Variants in ZNF676 observed in about 807,000 individuals in gnomAD.
The protein encoded by ZNF676 is zinc finger protein 676.
In ZNF676, 4 loss-of-function variants were observed where a neutral mutation model predicts 6.0. The observed-to-expected ratio is 0.67, with a 90% CI of 0.33 to 1.53. The LOEUF (loss-of-function observed/expected upper bound fraction) is 1.53, where lower values mean the gene tolerates loss of function less well. Among genes scored for constraint, ZNF676 ranks in the 40% most tolerant of loss-of-function variants. The probability of loss-of-function intolerance (pLI) is 0.06; values close to 1 mark genes in which losing one functional copy is unlikely to be tolerated. For synonymous variants in ZNF676, 198 were observed against 223.1 expected (o/e 0.89, Z 1.00); for missense variants, 644 against 679.7 (o/e 0.95, Z 0.58).
upstream of ZNF676, among the ~76,000 whole-genome samples, chr19:22,201,200 T>TC (rs2024022496): frequency 1.3e-5 from 2 of 152,200 alleles, no homozygotes; most frequent in African/African-American, 4.8e-5. Flanking sequence ...ATAGTTGTGG[T>TC]GTGGCTCTGG....
the ZNF676 span, among the ~76,000 whole-genome samples, chr19:22,236,872 T>C: frequency 6.6e-6 from 1 of 152,220 alleles, no homozygotes; most frequent in African/African-American, 2.4e-5. Flanking sequence ...CTGCTGTCCA[T>C]TACAGTAGCT....
rs1421341044 is a variant in ZNF676, at chr19:22,181,154, T to A, written c.563A>T (p.Lys188Met). The change falls in exon 3 of 3, where the codon AAG (lysine) becomes ATG (methionine). Residue 188 changes from lysine (K) to methionine (M), a missense_variant. By Grantham distance (95) the Lys-to-Met change is moderately conservative (BLOSUM62 -1). Transcript: ENST00000397121. ...GGGTTTCTCTCCAGTATGAATACTC[T>A]TATAATAAGTAAGGGTTGAGGACCA... is the stretch of plus-strand genomic sequence containing the variant. ...FNWSSTLTYY[K>M]SIHTGEKPYK... The A allele has an allele frequency of 6.2e-7, 1 of 1,614,006 alleles. No homozygotes were observed. Among genetic ancestry groups the A allele is most frequent in the South Asian group, 1.1e-5 (1 of 91,080 alleles).
chr19:22,246,035 T>A, the ZNF676 span, among the ~76,000 whole-genome samples: 277 of 152,230 alleles, frequency 1.8e-3, 2 homozygotes, highest in African/African-American at 6.3e-3. Context: ...TCACAGTACC[T>A]AATATATGCA....
At chr19:22,223,101 G>A in the ZNF676 span, among the ~76,000 whole-genome samples, 2 of 152,122 alleles carry the variant, frequency 1.3e-5, no homozygotes, top group Non-Finnish European at 2.9e-5. Flanking sequence ...CTCCCAGGCT[G>A]TGGCTGGGAG....
chr19:22,237,298 C>T, the ZNF676 span, among the ~76,000 whole-genome samples: 3 of 152,154 alleles, frequency 2.0e-5, no homozygotes, highest in Non-Finnish European at 4.4e-5. Flanking sequence ...TTTAACTCCC[C>T]AAGCTGCAAC....
At chr19:22,182,938 T>C (rs979000545) in intron 2 of ZNF676, among the ~76,000 whole-genome samples, 2 of 152,106 alleles carry the variant, frequency 1.3e-5, no homozygotes, top group Admixed American at 1.3e-4. Context: ...ACAGGAATTA[T>C]TATAAACATC....
chr19:22,255,641 C>A, the ZNF676 span, among the ~76,000 whole-genome samples: 2 of 151,988 alleles, frequency 1.3e-5, no homozygotes, highest in African/African-American at 2.4e-5. Flanking sequence ...GTCAGGAGAT[C>A]GAGACCATCC....
chr19:22,215,465 C>G (rs1321100684), intron 1 of ZNF676, among the ~76,000 whole-genome samples: 3 of 152,176 alleles, frequency 2.0e-5, no homozygotes, highest in East Asian at 3.9e-4. Context: ...GGACGCCCGG[C>G]GGCCCGCGCA....
At chr19:22,227,588 G>T in the ZNF676 span, among the ~76,000 whole-genome samples, 76 of 152,148 alleles carry the variant, frequency 5.0e-4, no homozygotes, top group African/African-American at 1.8e-3. Flanking sequence ...TTTTTGAAAA[G>T]ATCTACAAAA....
rs764905600 is a variant in ZNF676 at position 22,181,463 on chromosome 19, C to G, written c.254G>C (p.Cys85Ser). 2 of 1,613,528 alleles carry G rather than the reference C, an allele frequency of 1.2e-6. No homozygotes were observed. Among genetic ancestry groups the G allele is most frequent in the Admixed American group, 3.3e-5 (2 of 59,958 alleles). ...CACGTTACACTCATCCACATTGGTACAACTAATTTTTAAGTGTAAATTCTC... is the reference window on the plus strand; with the variant it reads ...CACGTTACACTCATCCACATTGGTAGAACTAATTTTTAAGTGTAAATTCTC... ...GHENLHLKISCTNVDECNVHK... is the reference protein window; with the variant it reads ...GHENLHLKISSTNVDECNVHK... Residue 85 changes from cysteine to serine, a missense_variant, in exon 3 of 3, where the codon TGT (cysteine) becomes TCT (serine). This residue lies in a region of ZNF676 where 280 missense variants were observed against 269.3 expected (regional missense o/e 1.04). Coordinates refer to ENST00000397121, the MANE Select transcript of ZNF676 (RefSeq NM_001001411.3).
At chr19:22,254,030 G>T in the ZNF676 span, among the ~76,000 whole-genome samples, 2 of 152,176 alleles carry the variant, frequency 1.3e-5, no homozygotes, top group Non-Finnish European at 2.9e-5. Context: ...TAATAAACCT[G>T]TGAGCTGGAC....
the ZNF676 span, among the ~76,000 whole-genome samples, chr19:22,231,978 A>T: frequency 6.6e-6 from 1 of 152,150 alleles, no homozygotes; most frequent in Non-Finnish European, 1.5e-5. Context: ...AGACAAAACA[A>T]GCCATTACAA....
the ZNF676 span, among the ~76,000 whole-genome samples, chr19:22,230,399 A>G: frequency 8.3e-3 from 1,257 of 152,194 alleles, 19 homozygotes; most frequent in African/African-American, 0.028. Context: ...CCTAATGTAG[A>G]TGATGGGTTG....
At chr19:22,227,288 A>C in the ZNF676 span, among the ~76,000 whole-genome samples, 183 of 152,338 alleles carry the variant, frequency 1.2e-3, no homozygotes, top group African/African-American at 4.0e-3. Context: ...TGAAGGCAGA[A>C]ATAAGTAAGT....
intron 1 of ZNF676, among the ~76,000 whole-genome samples, chr19:22,207,392 G>A (rs1310819576): frequency 6.6e-6 from 1 of 152,056 alleles, no homozygotes; most frequent in Non-Finnish European, 1.5e-5. Context: ...AACCAGAAAG[G>A]TAAAAGATCT....
At chr19:22,205,505 A>C (rs1333399783) in intron 1 of ZNF676, among the ~76,000 whole-genome samples, 1 of 152,042 alleles carries the variant, frequency 6.6e-6, no homozygotes, top group East Asian at 1.9e-4. Flanking sequence ...CCAATAAAAC[A>C]ACTGGAAACT....
intron 1 of ZNF676, among the ~76,000 whole-genome samples, chr19:22,208,426 AATT>A (rs35525157): frequency 0.017 from 2,663 of 152,282 alleles, 49 homozygotes; most frequent in African/African-American, 0.04. Flanking sequence ...TGAGAATGGC[AATT>A]ATTATAATTC....
At chr19:22,216,145 A>G (rs1004872944), upstream of ZNF676, among the ~76,000 whole-genome samples, 13 of 152,248 alleles carry the variant, frequency 8.5e-5, no homozygotes, top group African/African-American at 4.8e-5. Flanking sequence ...TGTATTATCA[A>G]TACTAAAGGC....
At chr19:22,222,626 CT>C in the ZNF676 span, among the ~76,000 whole-genome samples, 3 of 151,802 alleles carry the variant, frequency 2.0e-5, no homozygotes, top group Non-Finnish European at 4.4e-5. Context: ...GAGCAAAAGC[CT>C]GTTCAAGTTT....
Sources: gnomAD v4.1 joint callset for allele counts (sites outside exome capture counted in the v4.1 genomes callset) on GRCh38, gnomAD v4.1.1 for gene constraint, gnomAD v4.1.1 regional missense constraint, MANE v1.5 for transcripts, NCBI Gene and HGNC (gene_info 2026-07-23, HGNC 2026-07-21) for gene names.